Variants in MAP2K4 observed in about 807,000 individuals in gnomAD.
MAP2K4 encodes dual specificity mitogen-activated protein kinase kinase 4.
Under a neutral mutation model 48.5 loss-of-function variants are expected in MAP2K4, and 4 were observed. The ratio of observed to expected loss-of-function variants is 0.08; its 90% confidence interval spans 0.04 to 0.19. MAP2K4 has a LOEUF of 0.19. Among genes scored for constraint, MAP2K4 ranks in the 10% least tolerant of loss-of-function variants. The pLI, the probability that MAP2K4 is intolerant of heterozygous loss-of-function variation, is 1.00. For synonymous variants in MAP2K4, 166 were observed against 173.1 expected (o/e 0.96, Z 0.32); for missense variants, 258 against 493.3 (o/e 0.52, Z 4.52).
intron 3 of MAP2K4, among the ~76,000 whole-genome samples, chr17:12,093,199 G>A (rs899083276): frequency 2.0e-5 from 3 of 152,188 alleles, no homozygotes; most frequent in Non-Finnish European, 2.9e-5. Flanking sequence ...CCATTCAGCT[G>A]CTCTGTGTTC....
chr17:12,105,166 C>G (rs188099553), intron 4 of MAP2K4, among the ~76,000 whole-genome samples: 5 of 152,114 alleles, frequency 3.3e-5, no homozygotes, highest in Non-Finnish European at 5.9e-5. Flanking sequence ...ATTCTTGGCT[C>G]TACTTTAATA....
intron 1 of MAP2K4, among the ~76,000 whole-genome samples, chr17:12,047,549 T>C (rs768837486): frequency 6.6e-6 from 1 of 152,232 alleles, no homozygotes; most frequent in East Asian, 1.9e-4. Context: ...CCCTGGTTTC[T>C]AGTTTAATAG....
In MAP2K4 at chr17:12,020,969, C is replaced by T. The variant is rs1969012743; in HGVS notation, c.83C>T (p.Ala28Val). The T allele has an allele frequency of 5.8e-6, 7 of 1,214,054 alleles. No individual in the cohort carries two copies. In the East Asian group the frequency reaches 2.3e-4, roughly 40 times the overall value. 75.2% of individuals were successfully genotyped at this position (1,214,054 alleles called of 1,614,324 possible). The stretch of plus-strand genomic sequence containing the variant: ...ACCCCCGGCCCCGTAGGGTCCCCGG[C>T]GCCAGGCCACCCGGCCGTCAGCAGC... Reference protein sequence around the residue: ...SGTPGPVGSPAPGHPAVSSMQ... With the variant: ...SGTPGPVGSPVPGHPAVSSMQ... The change falls in exon 1 of 11, where the codon GCG becomes GTG. Residue 28 changes from alanine (A) to valine (V), a missense_variant. Physicochemically the swap from Ala to Val is moderately conservative, Grantham distance 64. Transcript: ENST00000353533.
chr17:12,111,782 G>T lies in MAP2K4; in HGVS notation c.685+1356G>T, dbSNP rs114079141. ...CTGATAACTCTCTTTAAACTTCAGG[G>T]AAATTCATTATCTGTCATAATTAGT... On this transcript the variant is annotated intron_variant, in intron 6 of 10. Transcript: ENST00000353533. Among the ~76,000 whole-genome samples the T allele has an allele frequency of 6.9e-3, 1,044 of 152,124 alleles. 17 individuals carry two copies. Among genetic ancestry groups the T allele is most frequent in the African/African-American group, 0.024 (993 of 41,490 alleles).
At chr17:12,123,725 A>G (rs945660291) in intron 7 of MAP2K4, among the ~76,000 whole-genome samples, 1 of 151,968 alleles carries the variant, frequency 6.6e-6, no homozygotes, top group Admixed American at 6.6e-5. Context: ...GGAAGTTGTA[A>G]TTTCATTTTC....
At chr17:12,030,520 G>A (rs991517584) in intron 1 of MAP2K4, among the ~76,000 whole-genome samples, 1 of 152,146 alleles carries the variant, frequency 6.6e-6, no homozygotes, top group Non-Finnish European at 1.5e-5. Flanking sequence ...CAGGTTTTGA[G>A]AATTTTTTAA....
rs9912285 is a variant in MAP2K4 at position 12,041,582 on chromosome 17, T to C, written c.116-13307T>C. Among the ~76,000 whole-genome samples, 431 of 152,332 alleles carry C rather than the reference T, an allele frequency of 2.8e-3. 2 individuals carry two copies. Among genetic ancestry groups the C allele is most frequent in the African/African-American group, 6.5e-3 (272 of 41,566 alleles). ...TCATGAAATTCTATTGTTAGCATTT[T>C]TCTACTAAAAGCTTCTGGTAACTTT... On this transcript the variant is annotated intron_variant, in intron 1 of 10. Transcript: ENST00000353533.
chr17:12,025,256 C>T (rs1314480735), intron 1 of MAP2K4, among the ~76,000 whole-genome samples: 2 of 152,160 alleles, frequency 1.3e-5, no homozygotes, highest in African/African-American at 4.8e-5. Flanking sequence ...ACTCTCTGTT[C>T]AGAAATTTCT....
chr17:12,050,039 A>T (rs1970085263), intron 1 of MAP2K4, among the ~76,000 whole-genome samples: 1 of 152,230 alleles, frequency 6.6e-6, no homozygotes, highest in Non-Finnish European at 1.5e-5. Context: ...ATATGGTGAT[A>T]TCAGTGGAGT....
intron 1 of MAP2K4, among the ~76,000 whole-genome samples, chr17:12,042,528 C>A (rs1181776500): frequency 6.6e-6 from 1 of 152,080 alleles, no homozygotes; most frequent in Non-Finnish European, 1.5e-5. Flanking sequence ...GTAATCCCAG[C>A]TACCCAGGAG....
chr17:12,128,608 G>C (rs75646348), intron 8 of MAP2K4, among the ~76,000 whole-genome samples: 6,503 of 152,226 alleles, frequency 0.043, 209 homozygotes, highest in Non-Finnish European at 0.064. Context: ...TGTAAAATCT[G>C]GTTGTGGTTG....
intron 1 of MAP2K4, among the ~76,000 whole-genome samples, chr17:12,047,521 GCTAGT>G (rs1421914505): frequency 6.6e-6 from 1 of 152,198 alleles, no homozygotes; most frequent in African/African-American, 2.4e-5. Context: ...GATTGGCACT[GCTAGT>G]CTATATTGAT....
intron 2 of MAP2K4, among the ~76,000 whole-genome samples, chr17:12,064,623 C>T (rs1316227511): frequency 6.6e-6 from 1 of 152,132 alleles, no homozygotes; most frequent in Non-Finnish European, 1.5e-5. Flanking sequence ...GTTGAGGAAG[C>T]AGAAAATGGT....
intron 3 of MAP2K4, among the ~76,000 whole-genome samples, chr17:12,089,316 G>C (rs1467306422): frequency 6.6e-6 from 1 of 152,172 alleles, no homozygotes; most frequent in African/African-American, 2.4e-5. Flanking sequence ...AGTTATAGCA[G>C]ATTCCACATA....
chr17:12,059,739 G>A (rs1038936716), intron 2 of MAP2K4, among the ~76,000 whole-genome samples: 1 of 152,194 alleles, frequency 6.6e-6, no homozygotes, highest in African/African-American at 2.4e-5. Context: ...GTAGTTTAAA[G>A]AGGTTTCAAA....
At chr17:12,115,175 A>C (rs1401523906) in intron 7 of MAP2K4, among the ~76,000 whole-genome samples, 1 of 152,252 alleles carries the variant, frequency 6.6e-6, no homozygotes. Flanking sequence ...AGTAAATAAA[A>C]TGTAGAGTTT....
chr17:12,109,312 A>G (rs1307667262), intron 5 of MAP2K4, among the ~76,000 whole-genome samples: 1 of 152,204 alleles, frequency 6.6e-6, no homozygotes, highest in Non-Finnish European at 1.5e-5. Flanking sequence ...GATTTATTCC[A>G]TATTTGCCTA....
intron 8 of MAP2K4, among the ~76,000 whole-genome samples, chr17:12,127,779 A>T (rs773106766): frequency 7.9e-5 from 12 of 152,224 alleles, no homozygotes; most frequent in Non-Finnish European, 1.8e-4. Flanking sequence ...TAACAGAAAG[A>T]AACTTCAGCT....
At position 12,113,442 on chromosome 17, in the gene MAP2K4, C is replaced by T. The variant is rs141132760; in HGVS notation, c.813+82C>T. ...TCTTTTGTGCTGGCCATTAGTCATA[C>T]GGTTTTACCATGAAACTGCTAGAAT... On this transcript the variant is annotated intron_variant, in intron 7 of 10. Transcript: ENST00000353533. The T allele has an allele frequency of 9.3e-4, 1,388 of 1,498,142 alleles. 22 individuals are homozygous for T. The East Asian group carries it at 0.019, about 21-fold the overall frequency. The allele number at this position is 1,498,142 out of a possible 1,614,324, so 92.8% of individuals were successfully genotyped here. A position where few individuals can be genotyped will look rare whatever the true frequency, so the allele number is the denominator to read the frequency against.
Sources: gnomAD v4.1 joint callset for allele counts (sites outside exome capture counted in the v4.1 genomes callset) on GRCh38, gnomAD v4.1.1 for gene constraint, MANE v1.5 for transcripts, NCBI Gene and HGNC (gene_info 2026-07-23, HGNC 2026-07-21) for gene names.